Variants in ATG7 observed in about 807,000 individuals in gnomAD.
ATG7 encodes the protein ubiquitin-like modifier-activating enzyme ATG7.
A neutral mutation model predicts 82.4 loss-of-function variants in ATG7; 70 were observed. That is an observed-to-expected ratio of 0.85 (90% CI 0.70 to 1.04). The LOEUF (loss-of-function observed/expected upper bound fraction) is 1.04. Ranked by LOEUF, ATG7 falls within the 50% of genes least tolerant of loss-of-function variation. The pLI, the probability that ATG7 is intolerant of heterozygous loss-of-function variation, is 0.00. For synonymous variants in ATG7, 287 were observed against 313.0 expected, an observed-to-expected ratio of 0.92 and a Z score of 0.88; for missense variants, 792 against 864.3, an observed-to-expected ratio of 0.92 and a Z score of 1.05.
chr3:11,503,798 C>T (rs891934895), intron 20 of ATG7, among the ~76,000 whole-genome samples: 13 of 146,828 alleles, frequency 8.9e-5, no homozygotes, highest in African/African-American at 3.0e-4. Context: ...TAAAAGTACT[C>T]TTAGAAATTA....
At chr3:11,384,285 C>T (rs938183285) in intron 19 of ATG7, among the ~76,000 whole-genome samples, 3 of 152,190 alleles carry the variant, frequency 2.0e-5, no homozygotes, top group Non-Finnish European at 2.9e-5. Context: ...CAAGAACAGC[C>T]TGTTGTGAAG....
intron 18 of ATG7, among the ~76,000 whole-genome samples, chr3:11,378,867 G>C (rs1007746950): frequency 6.6e-6 from 1 of 151,874 alleles, no homozygotes; most frequent in African/African-American, 2.4e-5. Context: ...GTTTTTCGGG[G>C]GGTGGGGGAT....
intron 1 of ATG7, among the ~76,000 whole-genome samples, chr3:11,277,736 CAG>C (rs1361623106): frequency 6.6e-6 from 1 of 152,076 alleles, no homozygotes. Context: ...CAACAGAAAA[CAG>C]GGTTCGAGAG....
intron 20 of ATG7, among the ~76,000 whole-genome samples, chr3:11,466,904 C>T (rs973610928): frequency 3.3e-5 from 5 of 152,066 alleles, no homozygotes; most frequent in Non-Finnish European, 7.4e-5. Flanking sequence ...CCGAGGCGGG[C>T]AGATCACCTG....
intron 20 of ATG7, among the ~76,000 whole-genome samples, chr3:11,494,658 C>CAT (rs2090668531): frequency 1.3e-5 from 2 of 152,162 alleles, no homozygotes; most frequent in African/African-American, 4.8e-5. Context: ...CAGAATAGAT[C>CAT]ATCTCTTGAT....
intron 19 of ATG7, among the ~76,000 whole-genome samples, chr3:11,403,392 T>A (rs1291245603): frequency 1.3e-5 from 2 of 151,928 alleles, no homozygotes; most frequent in African/African-American, 4.8e-5. Context: ...AGAAGGAGAT[T>A]AAGAGGGATT....
intron 9 of ATG7, among the ~76,000 whole-genome samples, chr3:11,328,884 C>T (rs752799864): frequency 4.6e-5 from 7 of 152,132 alleles, no homozygotes; most frequent in Non-Finnish European, 7.3e-5. Flanking sequence ...GTCAGGCGTT[C>T]GAGACCAACC....
chr3:11,510,127 G>A (rs1190764452), intron 20 of ATG7: 3 of 402,048 alleles, frequency 7.5e-6, no homozygotes, highest in African/African-American at 6.3e-5. Context: ...GAAATTAGAA[G>A]GAAGGTACGT....
At chr3:11,379,555 C>T (rs1214497478) in intron 18 of ATG7, among the ~76,000 whole-genome samples, 2 of 152,200 alleles carry the variant, frequency 1.3e-5, no homozygotes, top group African/African-American at 2.4e-5. Flanking sequence ...TGAGACCCCA[C>T]CCAAAATCAT....
intron 19 of ATG7, among the ~76,000 whole-genome samples, chr3:11,401,770 G>C (rs1174604195): frequency 6.6e-6 from 1 of 152,136 alleles, no homozygotes; most frequent in Non-Finnish European, 1.5e-5. Flanking sequence ...GTGTACTCCA[G>C]GCCTACAGAC....
At chr3:11,304,203 T>A (rs1307825266) in intron 5 of ATG7, among the ~76,000 whole-genome samples, 2 of 151,974 alleles carry the variant, frequency 1.3e-5, no homozygotes, top group Non-Finnish European at 2.9e-5. Flanking sequence ...GAAGTAGGAG[T>A]CTTAGGCACA....
chr3:11,307,484 G>GTGT (rs1331567753), intron 6 of ATG7, among the ~76,000 whole-genome samples: 2 of 152,232 alleles, frequency 1.3e-5, no homozygotes, highest in East Asian at 3.9e-4. Flanking sequence ...AGTCTCTGCA[G>GTGT]TGTCTTCACT....
intron 20 of ATG7, among the ~76,000 whole-genome samples, chr3:11,519,940 G>A (rs1165474592): frequency 1.3e-5 from 2 of 151,924 alleles, no homozygotes; most frequent in Non-Finnish European, 2.9e-5. Flanking sequence ...CTCCCCACTT[G>A]CAGATAATGA....
chr3:11,361,270 C>T (rs1245119124), intron 16 of ATG7, among the ~76,000 whole-genome samples: 1 of 151,490 alleles, frequency 6.6e-6, no homozygotes, highest in Non-Finnish European at 1.5e-5. Context: ...CTTTGAATTT[C>T]AGTTAATAAT....
chr3:11,519,539 G>GT lies in ATG7; in HGVS notation c.2080-35234dup, dbSNP rs574523805. Among the ~76,000 whole-genome samples the GT allele has an allele frequency of 2.4e-3, 147 of 62,202 alleles. 48 individuals carry two copies. Among genetic ancestry groups the GT allele is most frequent in the Non-Finnish European group, 3.4e-3 (101 of 30,040 alleles). 40.8% of individuals were successfully genotyped at this position (62,202 alleles called of 152,430 possible). A position where few individuals can be genotyped will look rare whatever the true frequency, so the allele number is the denominator to read the frequency against. On this transcript the variant is annotated intron_variant, in intron 20 of 20. Coordinates refer to ENST00000693202, the MANE Select transcript of ATG7 (RefSeq NM_001349232.2). Reference sequence around the variant, plus strand: ...TCATGAAAGGCAGGCAGTGAGAGGAGTTTTTTTTTTTTTTTTTTTTTTTTT... The same window carrying GT: ...TCATGAAAGGCAGGCAGTGAGAGGAGTTTTTTTTTTTTTTTTTTTTTTTTTT...
chr3:11,502,844 G>GC (rs1227404807), intron 20 of ATG7, among the ~76,000 whole-genome samples: 1 of 152,078 alleles, frequency 6.6e-6, no homozygotes, highest in Non-Finnish European at 1.5e-5. Context: ...AGATCCCCAG[G>GC]CCCCCACCTT....
chr3:11,293,214 A>G (rs1384903243), intron 3 of ATG7, among the ~76,000 whole-genome samples: 2 of 152,304 alleles, frequency 1.3e-5, no homozygotes, highest in East Asian at 3.9e-4. Flanking sequence ...TCATTGGCAT[A>G]CAGACAGAAC....
chr3:11,432,129 A>C (rs1237688788), intron 20 of ATG7, among the ~76,000 whole-genome samples: 1 of 152,184 alleles, frequency 6.6e-6, no homozygotes, highest in Middle Eastern at 3.2e-3. Flanking sequence ...CAGGCTGACA[A>C]AGATGAATTG....
At chr3:11,274,247 C>T (rs1382972101) in intron 1 of ATG7, among the ~76,000 whole-genome samples, 2 of 152,134 alleles carry the variant, frequency 1.3e-5, no homozygotes, top group Admixed American at 6.5e-5. Flanking sequence ...TCTGGCACTG[C>T]GCTGCAAGCT....
Sources: allele counts gnomAD v4.1 joint callset (sites outside exome capture counted in the v4.1 genomes callset), GRCh38; gene constraint gnomAD v4.1.1; transcripts MANE v1.5; gene names NCBI Gene and HGNC (gene_info 2026-07-23, HGNC 2026-07-21).